ESRRG: variants seen among roughly 807,000 people sequenced by gnomAD.
ESRRG encodes the protein estrogen-related receptor gamma.
Under a neutral mutation model 44.0 loss-of-function variants are expected in ESRRG, and 13 were observed. The observed-to-expected ratio is 0.30, with a 90% CI of 0.19 to 0.47. The LOEUF (loss-of-function observed/expected upper bound fraction) is 0.47. Among genes scored for constraint, ESRRG ranks in the 20% least tolerant of loss-of-function variants. The pLI is 1.00. For synonymous variants in ESRRG, 215 were observed against 214.6 expected (o/e 1.00, Z -0.02); for missense variants, 395 against 580.6 (o/e 0.68, Z 3.29).
intron 1 of ESRRG, among the ~76,000 whole-genome samples, chr1:217,048,026 G>A (rs1199831614): frequency 6.6e-6 from 1 of 152,182 alleles, no homozygotes; most frequent in Admixed American, 6.5e-5. Flanking sequence ...TGGATCAGGT[G>A]GGCATCTAAA....
intron 2 of ESRRG, among the ~76,000 whole-genome samples, chr1:216,809,045 C>T (rs901931460): frequency 6.6e-6 from 1 of 152,220 alleles, no homozygotes; most frequent in South Asian, 2.1e-4. Context: ...TGTCTATGTA[C>T]TTTCGTACAG....
chr1:217,063,027 A>T (rs1402248570), intron 1 of ESRRG, among the ~76,000 whole-genome samples: 1 of 152,172 alleles, frequency 6.6e-6, no homozygotes, highest in East Asian at 1.9e-4. Flanking sequence ...TAACAGCAGG[A>T]TCCATTCTAG....
Position 216,615,208 on chromosome 1 carries a change from C to CT in ESRRG, c.589+35764dup, listed in dbSNP as rs200807117. Among the ~76,000 whole-genome samples the CT allele has an allele frequency of 3.5e-4, 53 of 152,290 alleles. 1 individual carries two copies. The East Asian group carries it at 8.3e-3, about 24-fold the overall frequency. On this transcript the variant is annotated intron_variant, in intron 3 of 6. Coordinates refer to ENST00000408911, the MANE Select transcript of ESRRG (RefSeq NM_001438.4). ...GTGACTGAGGAGCTTTTTCAAAAGA[C>CT]TTTTGTTGACCACAAACCTTTAGGC...
intron 1 of ESRRG, among the ~76,000 whole-genome samples, chr1:216,699,832 T>G (rs2081034901): frequency 6.6e-6 from 1 of 152,316 alleles, no homozygotes; most frequent in East Asian, 1.9e-4. Flanking sequence ...AACTAAAACT[T>G]ATTGTACAAA....
At chr1:217,091,524 G>A (rs1163330306), upstream of ESRRG, among the ~76,000 whole-genome samples, 1 of 152,178 alleles carries the variant, frequency 6.6e-6, no homozygotes, top group Non-Finnish European at 1.5e-5. Context: ...TTGTAATTAT[G>A]CAGAGACCAG....
chr1:216,567,916 A>G, intron 4 of ESRRG, 72 bp downstream of exon 4: 1 of 960,018 alleles, frequency 1.0e-6, no homozygotes. Context: ...TGGGCATGCC[A>G]AAGCTGATGT....
At chr1:217,057,097 C>T (rs1229153266) in intron 1 of ESRRG, among the ~76,000 whole-genome samples, 1 of 152,130 alleles carries the variant, frequency 6.6e-6, no homozygotes, top group South Asian at 2.1e-4. Context: ...GCGTAAGCCC[C>T]CACCAGTGAG....
At chr1:216,963,024 A>G (rs2069446622) in intron 1 of ESRRG, among the ~76,000 whole-genome samples, 2 of 152,198 alleles carry the variant, frequency 1.3e-5, no homozygotes, top group African/African-American at 4.8e-5. Context: ...CAAGTTCTAT[A>G]ATTTCTCTTG....
chr1:216,936,067 A>G (rs1197680573), intron 2 of ESRRG, among the ~76,000 whole-genome samples: 1 of 152,022 alleles, frequency 6.6e-6, no homozygotes, highest in Non-Finnish European at 1.5e-5. Flanking sequence ...ACCAGAACCC[A>G]TTTGGGAGCC....
intron 1 of ESRRG, among the ~76,000 whole-genome samples, chr1:216,681,095 A>AAT (rs1229920218): frequency 2.0e-5 from 3 of 152,190 alleles, no homozygotes; most frequent in African/African-American, 7.2e-5. Flanking sequence ...CATGTGTCGA[A>AAT]ATATGTGGGA....
chr1:216,516,750 G>A (rs1355121419), intron 6 of ESRRG, among the ~76,000 whole-genome samples: 2 of 151,688 alleles, frequency 1.3e-5, no homozygotes, highest in Non-Finnish European at 2.9e-5. Context: ...ACTGATATGT[G>A]TATGGGCAGT....
intron 1 of ESRRG, among the ~76,000 whole-genome samples, chr1:216,983,544 C>A (rs75732598): frequency 6.6e-6 from 1 of 152,036 alleles, no homozygotes; most frequent in African/African-American, 2.4e-5. Context: ...GAGGGAGTTC[C>A]ATGACACATC....
At chr1:216,999,050 C>A (rs1339219) in intron 1 of ESRRG, among the ~76,000 whole-genome samples, 64,229 of 151,974 alleles carry the variant, frequency 0.42, 13,841 homozygotes, top group Middle Eastern at 0.48. Flanking sequence ...TCTCCTGGGC[C>A]TGAGTACAAT....
At chr1:216,861,794 T>C (rs955026387) in intron 2 of ESRRG, among the ~76,000 whole-genome samples, 1 of 151,792 alleles carries the variant, frequency 6.6e-6, no homozygotes, top group African/African-American at 2.4e-5. Context: ...AATCATAAAA[T>C]CAAATAAAAG....
chr1:216,694,295 C>T (rs1457345006), intron 1 of ESRRG, among the ~76,000 whole-genome samples: 1 of 152,022 alleles, frequency 6.6e-6, no homozygotes, highest in Non-Finnish European at 1.5e-5. Flanking sequence ...GGAGGATGAT[C>T]CCCAAAGTGA....
chr1:216,594,465 G>T (rs1469175562), intron 3 of ESRRG, among the ~76,000 whole-genome samples: 4 of 152,078 alleles, frequency 2.6e-5, no homozygotes, highest in African/African-American at 9.7e-5. Flanking sequence ...CATGGCCAGG[G>T]ATCTACTCTA....
chr1:216,567,844 A>C (rs2059961805), intron 4 of ESRRG, 144 bp downstream of exon 4: 1 of 598,818 alleles, frequency 1.7e-6, no homozygotes, highest in Non-Finnish European at 3.0e-6. Context: ...CCTCACAGAC[A>C]ATCTTTGGGA....
intron 3 of ESRRG, among the ~76,000 whole-genome samples, chr1:216,593,865 G>A (rs137950606): frequency 2.0e-4 from 30 of 152,152 alleles, no homozygotes; most frequent in African/African-American, 7.0e-4. Flanking sequence ...CAAAAAGCTG[G>A]TACCACAAGT....
At chr1:216,540,027 C>A (rs115157105) in intron 5 of ESRRG, among the ~76,000 whole-genome samples, 1,606 of 151,816 alleles carry the variant, frequency 0.011, 34 homozygotes, top group African/African-American at 0.037. Flanking sequence ...TTAAAATAGG[C>A]CCTATTTCTG....
Sources: allele counts gnomAD v4.1 joint callset (sites outside exome capture counted in the v4.1 genomes callset), GRCh38; gene constraint gnomAD v4.1.1; transcripts MANE v1.5; gene names NCBI Gene and HGNC (gene_info 2026-07-23, HGNC 2026-07-21).